RBFOX1: variants seen among roughly 807,000 people sequenced by gnomAD.
RBFOX1 encodes RNA binding protein fox-1 homolog 1.
In RBFOX1, 8 loss-of-function variants were observed where a neutral mutation model predicts 57.7. That is an observed-to-expected ratio of 0.14 (90% CI 0.08 to 0.25). The LOEUF (loss-of-function observed/expected upper bound fraction) is 0.25, where lower values mean the gene tolerates loss of function less well. RBFOX1 is among the 10% of genes least tolerant of loss of function. The pLI is 1.00. For synonymous variants in RBFOX1, 326 were observed against 222.4 expected (o/e 1.47, Z -4.15); for missense variants, 611 against 548.5 (o/e 1.11, Z -1.14).
chr16:5,485,089 G>T (rs1482029883), intron 2 of RBFOX1, among the ~76,000 whole-genome samples: 2 of 151,920 alleles, frequency 1.3e-5, no homozygotes, highest in Non-Finnish European at 2.9e-5. Context: ...GCTCACGCCT[G>T]TAATCCCAGC....
intron 3 of RBFOX1, among the ~76,000 whole-genome samples, chr16:5,800,615 A>C (rs2151752102): frequency 6.6e-6 from 1 of 152,208 alleles, no homozygotes; most frequent in Middle Eastern, 3.4e-3. Context: ...TGACCCAGTG[A>C]CTCAGGGACA....
At chr16:7,425,289 A>G (rs369126699) in intron 4 of RBFOX1, among the ~76,000 whole-genome samples, 26 of 152,300 alleles carry the variant, frequency 1.7e-4, no homozygotes, top group East Asian at 7.7e-4. Context: ...TTTTTTCACT[A>G]TGACTTCTTA....
chr16:6,950,873 T>C (rs1249991584), intron 3 of RBFOX1, among the ~76,000 whole-genome samples: 1 of 151,448 alleles, frequency 6.6e-6, no homozygotes, highest in African/African-American at 2.4e-5. Context: ...TTGTCTCTCT[T>C]TCTCTCTTTC....
At chr16:6,857,170 A>G (rs966770794) in intron 3 of RBFOX1, among the ~76,000 whole-genome samples, 2 of 152,176 alleles carry the variant, frequency 1.3e-5, no homozygotes, top group Non-Finnish European at 2.9e-5. Context: ...TTTTAAAAAG[A>G]CTTTCAGGTT....
At chr16:6,594,578 G>A (rs1356549779) in intron 2 of RBFOX1, among the ~76,000 whole-genome samples, 1 of 152,098 alleles carries the variant, frequency 6.6e-6, no homozygotes, top group Non-Finnish European at 1.5e-5. Flanking sequence ...AAAAGCTCCT[G>A]TTTTTCAATT....
intron 1 of RBFOX1, among the ~76,000 whole-genome samples, chr16:6,230,215 G>A (rs74646880): frequency 0.39 from 59,855 of 151,736 alleles, 12,356 homozygotes; most frequent in Middle Eastern, 0.53. Flanking sequence ...TGATTGGAAT[G>A]AGTTGATCTT....
At chr16:7,523,670 T>C (rs1295087655) in intron 5 of RBFOX1, among the ~76,000 whole-genome samples, 2 of 152,166 alleles carry the variant, frequency 1.3e-5, no homozygotes, top group African/African-American at 4.8e-5. Flanking sequence ...TTGGGGCTGA[T>C]CCTGAAGGAA....
chr16:6,222,632 GTGAT>G (rs2097383005), intron 1 of RBFOX1, among the ~76,000 whole-genome samples: 1 of 834 alleles, frequency 1.2e-3, no homozygotes, highest in Non-Finnish European at 0.056. Context: ...TCCAGAGACT[GTGAT>G]TCAGTGATTC....
chr16:6,283,655 A>G (rs564667440), intron 1 of RBFOX1, among the ~76,000 whole-genome samples: 1 of 152,308 alleles, frequency 6.6e-6, no homozygotes, highest in East Asian at 1.9e-4. Flanking sequence ...CTTTGTCCCT[A>G]CGTGCCGTTA....
At chr16:6,282,367 T>A (rs1035310279) in intron 1 of RBFOX1, among the ~76,000 whole-genome samples, 1 of 151,520 alleles carries the variant, frequency 6.6e-6, no homozygotes, top group African/African-American at 2.4e-5. Flanking sequence ...TTTTTTTTTT[T>A]TTTTTTTTTT....
At chr16:6,053,414 TAGG>T (rs2095577145) in intron 1 of RBFOX1, among the ~76,000 whole-genome samples, 1 of 152,152 alleles carries the variant, frequency 6.6e-6, no homozygotes, top group Non-Finnish European at 1.5e-5. Context: ...GGGATTGTTC[TAGG>T]AGGAGAGAGA....
intron 2 of RBFOX1, among the ~76,000 whole-genome samples, chr16:6,478,429 A>ATATATATTTT (rs1159954387): frequency 4.9e-4 from 12 of 24,618 alleles, no homozygotes; most frequent in South Asian, 2.5e-3. Flanking sequence ...ATATATATAT[A>ATATATATTTT]TTTTTTTTTT....
At chr16:5,879,814 C>T (rs999131169) in intron 4 of RBFOX1, among the ~76,000 whole-genome samples, 1 of 152,164 alleles carries the variant, frequency 6.6e-6, no homozygotes, top group Non-Finnish European at 1.5e-5. Flanking sequence ...TCTCTTGTGG[C>T]TTCTCTGGGT....
At chr16:6,132,895 G>A (rs1392282917) in intron 1 of RBFOX1, among the ~76,000 whole-genome samples, 2 of 150,858 alleles carry the variant, frequency 1.3e-5, no homozygotes, top group Non-Finnish European at 2.9e-5. Context: ...AACCCAGGAG[G>A]CAGAGGTCGC....
chr16:7,268,771 C>A lies in RBFOX1; in HGVS notation c.27+216673C>A, dbSNP rs144412591. Among the ~76,000 whole-genome samples the A allele has an allele frequency of 3.2e-3, 487 of 152,112 alleles. 5 individuals are homozygous for A. Among genetic ancestry groups the A allele is most frequent in the African/African-American group, 0.011 (460 of 41,508 alleles). ...CATCTCGGCTGGGCACAGTGGCTCA[C>A]GCCTGTAATCACAGCACTTTGGGAG... On this transcript the variant is annotated intron_variant, in intron 4 of 15. Transcript: ENST00000550418.
At chr16:6,632,166 C>T (rs990243336) in intron 2 of RBFOX1, among the ~76,000 whole-genome samples, 3 of 152,098 alleles carry the variant, frequency 2.0e-5, no homozygotes, top group African/African-American at 7.2e-5. Flanking sequence ...CCTTCACTTC[C>T]TCCTCCTTGA....
At chr16:6,878,662 T>G (rs17141621) in intron 3 of RBFOX1, among the ~76,000 whole-genome samples, 34,060 of 152,110 alleles carry the variant, frequency 0.22, 4,633 homozygotes, top group Admixed American at 0.36. Flanking sequence ...AGCGTCAGTT[T>G]AATTCAAAGG....
intron 3 of RBFOX1, among the ~76,000 whole-genome samples, chr16:6,927,368 G>A (rs753087171): frequency 7.3e-5 from 9 of 122,902 alleles, no homozygotes; most frequent in East Asian, 2.6e-4. Flanking sequence ...AGCTGAGATC[G>A]CACCGCTCCA....
At chr16:5,321,403 T>A (rs1308689665) in intron 1 of RBFOX1, among the ~76,000 whole-genome samples, 1 of 151,916 alleles carries the variant, frequency 6.6e-6, no homozygotes, top group Non-Finnish European at 1.5e-5. Context: ...TACTGCCAGC[T>A]CCGCCTCCTG....
Sources: gnomAD v4.1 joint callset for allele counts (sites outside exome capture counted in the v4.1 genomes callset) on GRCh38, gnomAD v4.1.1 for gene constraint, MANE v1.5 for transcripts, NCBI Gene and HGNC (gene_info 2026-07-23, HGNC 2026-07-21) for gene names.